SCARB2: variants seen among roughly 807,000 people sequenced by gnomAD.
SCARB2 encodes the protein lysosome membrane protein 2.
Under a neutral mutation model 58.6 loss-of-function variants are expected in SCARB2, and 29 were observed. The observed-to-expected ratio is 0.49, with a 90% CI of 0.37 to 0.67. SCARB2 has a LOEUF of 0.67. Ranked by LOEUF, SCARB2 falls within the 30% of genes least tolerant of loss-of-function variation. The pLI, the probability that SCARB2 is intolerant of heterozygous loss-of-function variation, is 0.00. For missense variants in SCARB2, 488 were observed against 578.5 expected (o/e 0.84, Z 1.60); for synonymous variants, 195 against 210.1 (o/e 0.93, Z 0.62).
chr4:76,206,396 C>A (rs1328111085), intron 1 of SCARB2, among the ~76,000 whole-genome samples: 1 of 152,000 alleles, frequency 6.6e-6, no homozygotes, highest in Non-Finnish European at 1.5e-5. Flanking sequence ...TGACGAGTAC[C>A]AAAGAACATC....
upstream of SCARB2, among the ~76,000 whole-genome samples, chr4:76,216,171 T>A (rs1358673606): frequency 6.6e-6 from 1 of 152,188 alleles, no homozygotes; most frequent in African/African-American, 2.4e-5. Context: ...TTCTCTGCTG[T>A]TAAGTTTCAG....
At chr4:76,213,038 A>C in intron 1 of SCARB2, 1 of 292,624 alleles carries the variant, frequency 3.4e-6, no homozygotes, top group Non-Finnish European at 6.8e-6. Flanking sequence ...TACAGCAAGC[A>C]GACAACATAA....
chr4:76,213,151 G>A (rs1009989043), intron 1 of SCARB2: 4 of 447,740 alleles, frequency 8.9e-6, no homozygotes, highest in African/African-American at 4.0e-5. Context: ...CGGAAGGAGT[G>A]GGGAGAGATG....
At chr4:76,164,861 C>T (rs2109933136) in intron 10 of SCARB2, 1 of 151,314 alleles carries the variant, frequency 6.6e-6, no homozygotes, top group South Asian at 2.1e-4. Flanking sequence ...GGTTCTAAGA[C>T]ATTTTTTCCA....
intron 1 of SCARB2, among the ~76,000 whole-genome samples, chr4:76,197,234 A>T (rs1190280225): frequency 2.6e-5 from 4 of 152,212 alleles, no homozygotes; most frequent in Non-Finnish European, 2.9e-5. Context: ...CCTAAGGGTG[A>T]AGTATTCTCC....
intron 1 of SCARB2, among the ~76,000 whole-genome samples, chr4:76,198,837 AGTGAGTGTGT>A (rs1388338516): frequency 9.9e-5 from 13 of 130,856 alleles, no homozygotes; most frequent in East Asian, 5.4e-4. Flanking sequence ...CTGGAGAGTG[AGTGAGTGTGT>A]GTGTGTGTGT....
At chr4:76,207,055 G>C (rs1198409122) in intron 1 of SCARB2, among the ~76,000 whole-genome samples, 1 of 152,094 alleles carries the variant, frequency 6.6e-6, no homozygotes, top group African/African-American at 2.4e-5. Context: ...ATGAAAACTA[G>C]ATCAACAGTT....
At position 76,213,674 on chromosome 4, in the gene SCARB2, G is replaced by A. The variant is rs1035809925; in HGVS notation, c.-131C>T. On this transcript the variant is annotated 5_prime_UTR_variant, in exon 1 of 12. Transcript: ENST00000264896. ...CCACGCCCACGCCCTCCCGGCGCAC[G>A]GTTCGTGCGCGCAGCTCTGGGCTCC... is the stretch of plus-strand genomic sequence containing the variant. 2 of 704,470 alleles carry A rather than the reference G, an allele frequency of 2.8e-6. No individual in the cohort carries two copies. Among genetic ancestry groups the A allele is most frequent in the African/African-American group, 1.8e-5 (1 of 55,896 alleles). 43.6% of individuals were successfully genotyped at this position (704,470 alleles called of 1,614,324 possible). A position where few individuals can be genotyped will look rare whatever the true frequency, so the allele number is the denominator to read the frequency against.
intron 2 of SCARB2, among the ~76,000 whole-genome samples, chr4:76,189,435 C>T (rs1324536768): frequency 1.3e-5 from 2 of 151,992 alleles, no homozygotes; most frequent in Non-Finnish European, 2.9e-5. Flanking sequence ...CACGTGGCAG[C>T]AGCAAGGAGA....
intron 1 of SCARB2, among the ~76,000 whole-genome samples, chr4:76,227,874 C>T (rs963821651): frequency 2.0e-5 from 3 of 152,098 alleles, no homozygotes; most frequent in Non-Finnish European, 2.9e-5. Context: ...TGTTCATTTG[C>T]CTAGAATATC....
At position 76,195,768 on chromosome 4, in the gene SCARB2, G is replaced by C; in HGVS notation, c.214C>G (p.Pro72Ala). 6.2e-7 allele frequency: 1 copy of C among 1,614,018 alleles called. No individual in the cohort carries two copies. The highest frequency in any genetic ancestry group is 8.5e-7 in the Non-Finnish European group (1 of 1,179,882). The part of the protein sequence containing the change: ...TQFYFFNVTN[P>A]EEILRGETPR... The stretch of plus-strand genomic sequence containing the variant: ...GTCTCCCCTCTGAGGATCTCCTCTG[G>C]ATTGGTGACATTGAAGAAATAGAAC... The change falls in exon 2 of 12, where the codon CCA becomes GCA. Residue 72 changes from proline (P) to alanine (A), a missense_variant. Pro to Ala is a conservative substitution (Grantham distance 27). Coordinates refer to ENST00000264896, the MANE Select transcript of SCARB2 (RefSeq NM_005506.4).
upstream of SCARB2, chr4:76,214,061 A>G (rs1012851020): frequency 2.9e-6 from 1 of 340,810 alleles, no homozygotes; most frequent in African/African-American, 2.3e-5. Context: ...CCGCAGGCCC[A>G]GCGCTCGCCC....
chr4:76,172,015 T>C (rs1388748227), intron 7 of SCARB2, among the ~76,000 whole-genome samples: 3 of 149,402 alleles, frequency 2.0e-5, no homozygotes, highest in Non-Finnish European at 1.5e-5. Flanking sequence ...TATATATATA[T>C]ACTATATACA....
chr4:76,223,937 TGTGTGACACA>T (rs1321110902), intron 1 of SCARB2, among the ~76,000 whole-genome samples: 1 of 152,168 alleles, frequency 6.6e-6, no homozygotes, highest in East Asian at 1.9e-4. Context: ...CCCTGAGCGA[TGTGTGACACA>T]GTCATGCTGT....
chr4:76,185,143 C>T (rs555582296), intron 2 of SCARB2, among the ~76,000 whole-genome samples: 1 of 152,332 alleles, frequency 6.6e-6, no homozygotes, highest in Non-Finnish European at 1.5e-5. Context: ...CCTCACCTCT[C>T]ATTCAGGGTA....
chr4:76,162,859 G>C, intron 11 of SCARB2: 1 of 438,710 alleles, frequency 2.3e-6, no homozygotes, highest in Non-Finnish European at 4.1e-6. Flanking sequence ...TAGCTGTTAA[G>C]TGGCAGAACT....
chr4:76,211,355 G>C (rs1733041955), intron 1 of SCARB2, among the ~76,000 whole-genome samples: 1 of 100,064 alleles, frequency 1.0e-5, no homozygotes, highest in South Asian at 4.4e-4. Flanking sequence ...TGAGGACCAA[G>C]TAAGTTATTT....
At chr4:76,209,116 T>A (rs2109970192) in intron 1 of SCARB2, among the ~76,000 whole-genome samples, 1 of 152,294 alleles carries the variant, frequency 6.6e-6, no homozygotes, top group South Asian at 2.1e-4. Context: ...GATAACAGAT[T>A]TAAGATATCT....
intron 1 of SCARB2, among the ~76,000 whole-genome samples, chr4:76,210,703 A>G (rs2109971492): frequency 6.6e-6 from 1 of 152,376 alleles, no homozygotes; most frequent in East Asian, 1.9e-4. Context: ...GTCACCACTG[A>G]GGCCAAAAAT....
Sources: gnomAD v4.1 joint callset for allele counts (sites outside exome capture counted in the v4.1 genomes callset) on GRCh38, gnomAD v4.1.1 for gene constraint, MANE v1.5 for transcripts, NCBI Gene and HGNC (gene_info 2026-07-23, HGNC 2026-07-21) for gene names.